The following STON2 variants were observed in gnomAD, a reference collection of about 807,000 sequenced individuals.
STON2 encodes stonin-2.
In STON2, 29 loss-of-function variants were observed where a neutral mutation model predicts 65.7. The observed-to-expected ratio is 0.44, with a 90% CI of 0.33 to 0.60. The LOEUF (loss-of-function observed/expected upper bound fraction) is 0.60, where lower values mean the gene tolerates loss of function less well. Among genes scored for constraint, STON2 ranks in the 20% least tolerant of loss-of-function variants. The pLI is 0.03. For synonymous variants in STON2, 404 were observed against 414.2 expected (o/e 0.98, Z 0.30); for missense variants, 1,054 against 1,118.1 (o/e 0.94, Z 0.82).
At chr14:81,380,787 T>G (rs1019729575) in intron 3 of STON2, among the ~76,000 whole-genome samples, 6 of 151,780 alleles carry the variant, frequency 4.0e-5, no homozygotes, top group African/African-American at 1.5e-4. Flanking sequence ...CACACAGAAA[T>G]AAAGAAGAAA....
intron 5 of STON2, among the ~76,000 whole-genome samples, chr14:81,287,865 A>C (rs969032001): frequency 6.6e-6 from 1 of 152,036 alleles, no homozygotes; most frequent in South Asian, 2.1e-4. Flanking sequence ...CCCTGCCTCA[A>C]TGTGCCTTTC....
intron 5 of STON2, among the ~76,000 whole-genome samples, chr14:81,298,409 T>G (rs1895843586): frequency 2.4e-5 from 1 of 41,710 alleles, no homozygotes; most frequent in African/African-American, 7.9e-5. Flanking sequence ...CTCAACTGCT[T>G]CAGATGGGGG....
intron 3 of STON2, among the ~76,000 whole-genome samples, chr14:81,372,578 A>T (rs937257904): frequency 1.3e-5 from 1 of 76,180 alleles, no homozygotes. Context: ...GAAGAAGAAG[A>T]ATCATATCAT....
At chr14:81,316,170 T>C (rs1385192334) in intron 5 of STON2, among the ~76,000 whole-genome samples, 2 of 152,248 alleles carry the variant, frequency 1.3e-5, no homozygotes, top group African/African-American at 4.8e-5. Context: ...CATGAGGTTA[T>C]GATCCCTCAT....
chr14:81,422,059 T>G (rs916719763), intron 2 of STON2, among the ~76,000 whole-genome samples: 1 of 152,208 alleles, frequency 6.6e-6, no homozygotes, highest in African/African-American at 2.4e-5. Flanking sequence ...GGGCCTGGAT[T>G]ATCTTAGAAC....
intron 4 of STON2, among the ~76,000 whole-genome samples, chr14:81,329,093 T>C (rs1398492286): frequency 6.6e-6 from 1 of 152,182 alleles, no homozygotes; most frequent in African/African-American, 2.4e-5. Context: ...TGTTTACAGA[T>C]GTAATCAAGT....
At chr14:81,295,321 T>C (rs1273392949) in intron 5 of STON2, among the ~76,000 whole-genome samples, 1 of 151,976 alleles carries the variant, frequency 6.6e-6, no homozygotes, top group Admixed American at 6.6e-5. Flanking sequence ...CAAGACTCCA[T>C]CTCAAAAAAG....
At chr14:81,343,695 A>T (rs933075651) in intron 4 of STON2, among the ~76,000 whole-genome samples, 3 of 152,228 alleles carry the variant, frequency 2.0e-5, no homozygotes, top group Admixed American at 1.3e-4. Flanking sequence ...TAGTTTTAAA[A>T]TATAAGGCAT....
At chr14:81,293,298 C>T (rs1443898613) in intron 5 of STON2, among the ~76,000 whole-genome samples, 2 of 152,086 alleles carry the variant, frequency 1.3e-5, no homozygotes, top group Admixed American at 6.5e-5. Flanking sequence ...CTCAGCCTCC[C>T]GAGTAGCTGG....
intron 4 of STON2, among the ~76,000 whole-genome samples, chr14:81,340,025 G>A (rs1897536139): frequency 2.0e-5 from 3 of 152,124 alleles, no homozygotes; most frequent in Admixed American, 6.5e-5. Context: ...GTGGTGGCGG[G>A]CGCCTGTAGT....
intron 1 of STON2, among the ~76,000 whole-genome samples, chr14:81,428,811 G>A (rs1300238240): frequency 6.6e-6 from 1 of 152,136 alleles, no homozygotes; most frequent in Non-Finnish European, 1.5e-5. Flanking sequence ...TTCATTTAAA[G>A]TATCCCATTT....
rs559195954 is a variant in STON2 at position 81,262,067 on chromosome 14, C to A, written c.*6347G>T. 17 of 1,299,292 alleles carry A rather than the reference C, an allele frequency of 1.3e-5. No individual in the cohort carries two copies. The highest frequency in any genetic ancestry group is 1.5e-5 in the African/African-American group (1 of 66,178). The allele number at this position is 1,299,292 out of a possible 1,614,324, so 80.5% of individuals were successfully genotyped here. A position where few individuals can be genotyped will look rare whatever the true frequency, so the allele number is the denominator to read the frequency against. ...CATAGGAAGAGTCACTGAAAGGTGG[C>A]ACCAATGGATATTTTGTAAAATAAC... is the stretch of plus-strand genomic sequence containing the variant. On this transcript the variant is annotated 3_prime_UTR_variant, in exon 8 of 8. Coordinates refer to ENST00000614646, the MANE Select transcript of STON2 (RefSeq NM_001394390.1).
chr14:81,373,592 A>G (rs1899105018), intron 3 of STON2, among the ~76,000 whole-genome samples: 1 of 152,228 alleles, frequency 6.6e-6, no homozygotes, highest in African/African-American at 2.4e-5. Flanking sequence ...AAGAGTAAAC[A>G]GAGGACACAA....
At chr14:81,269,257 T>C (rs927615358) in intron 7 of STON2, 6 of 911,370 alleles carry the variant, frequency 6.6e-6, no homozygotes, top group Non-Finnish European at 7.9e-6. Flanking sequence ...CCACCTGCCT[T>C]GGCCTCCCAA....
At chr14:81,421,038 C>A (rs1299184646) in intron 2 of STON2, among the ~76,000 whole-genome samples, 2 of 152,114 alleles carry the variant, frequency 1.3e-5, no homozygotes, top group African/African-American at 4.8e-5. Context: ...AAATGAGGTT[C>A]ATGTTCAAGG....
intron 2 of STON2, among the ~76,000 whole-genome samples, chr14:81,408,344 G>A (rs916784426): frequency 1.2e-4 from 18 of 152,224 alleles, no homozygotes; most frequent in Admixed American, 1.2e-3. Context: ...ATTGAAAACT[G>A]GGGAACAGAA....
intron 7 of STON2, chr14:81,269,730 T>G (rs1009458232): frequency 3.0e-6 from 3 of 985,222 alleles, no homozygotes; most frequent in Non-Finnish European, 3.6e-6. Context: ...GAAAACCACT[T>G]TGCAAAATCC....
chr14:81,356,494 C>T (rs1477927374), intron 4 of STON2, among the ~76,000 whole-genome samples: 3 of 152,016 alleles, frequency 2.0e-5, no homozygotes, highest in South Asian at 4.1e-4. Context: ...CTCTGCCAGG[C>T]TTTGGTATCA....
intron 5 of STON2, among the ~76,000 whole-genome samples, chr14:81,314,349 AG>A (rs1229671535): frequency 6.6e-6 from 1 of 152,230 alleles, no homozygotes; most frequent in Non-Finnish European, 1.5e-5. Flanking sequence ...ACAAGATGAA[AG>A]GGTTTATCCT....
Sources: allele counts gnomAD v4.1 joint callset (sites outside exome capture counted in the v4.1 genomes callset), GRCh38; gene constraint gnomAD v4.1.1; transcripts MANE v1.5; gene names NCBI Gene and HGNC (gene_info 2026-07-23, HGNC 2026-07-21).